The following ABTB2 variants were observed in gnomAD, a reference collection of about 807,000 sequenced individuals.
ABTB2 encodes the protein ankyrin repeat and BTB/POZ domain-containing protein 2.
ABTB2 carries 56 observed loss-of-function variants against 104.1 expected under a neutral mutation model. That is an observed-to-expected ratio of 0.54 (90% CI 0.43 to 0.67). The LOEUF is 0.67. ABTB2 is among the 30% of genes least tolerant of loss of function. ABTB2 has a pLI of 0.00. For missense variants in ABTB2, 1,279 were observed against 1,407.7 expected, an observed-to-expected ratio of 0.91 and a Z score of 1.46; for synonymous variants, 606 against 608.2, an observed-to-expected ratio of 1.00 and a Z score of 0.05.
chr11:34,319,164 C>T (rs1854972617), intron 1 of ABTB2, among the ~76,000 whole-genome samples: 1 of 152,202 alleles, frequency 6.6e-6, no homozygotes, highest in South Asian at 2.1e-4. Context: ...CAGGGAAAGG[C>T]AATGAAATGA....
chr11:34,253,955 C>A (rs1381961425), intron 1 of ABTB2, among the ~76,000 whole-genome samples: 5 of 152,148 alleles, frequency 3.3e-5, no homozygotes, highest in Non-Finnish European at 7.4e-5. Flanking sequence ...GGGTCTCTCC[C>A]CAGGTGGACC....
intron 1 of ABTB2, among the ~76,000 whole-genome samples, chr11:34,259,753 C>T (rs1310496921): frequency 6.6e-6 from 1 of 152,172 alleles, no homozygotes; most frequent in African/African-American, 2.4e-5. Flanking sequence ...ATGCTTAGCA[C>T]CCCTAGAAAA....
At chr11:34,342,140 G>A (rs1855268403) in intron 1 of ABTB2, among the ~76,000 whole-genome samples, 1 of 152,202 alleles carries the variant, frequency 6.6e-6, no homozygotes, top group African/African-American at 2.4e-5. Context: ...TTCCTCTTGA[G>A]CTATTTTAAG....
At chr11:34,343,575 G>A (rs980178719) in intron 1 of ABTB2, among the ~76,000 whole-genome samples, 3 of 151,824 alleles carry the variant, frequency 2.0e-5, no homozygotes, top group Admixed American at 2.0e-4. Context: ...CCCAGGGTCA[G>A]GTAGTTCTCC....
intron 5 of ABTB2, among the ~76,000 whole-genome samples, chr11:34,169,776 C>T (rs1852845121): frequency 6.6e-6 from 1 of 152,086 alleles, no homozygotes; most frequent in African/African-American, 2.4e-5. Context: ...CCCCACCCCA[C>T]ACTCCTTATG....
chr11:34,185,849 A>ATT (rs1225307992), intron 3 of ABTB2, among the ~76,000 whole-genome samples: 1 of 152,270 alleles, frequency 6.6e-6, no homozygotes, highest in Non-Finnish European at 1.5e-5. Context: ...TAAAGCACTG[A>ATT]TGAAGGTTTG....
chr11:34,276,079 G>A (rs1180783696), intron 1 of ABTB2, among the ~76,000 whole-genome samples: 1 of 152,160 alleles, frequency 6.6e-6, no homozygotes, highest in Non-Finnish European at 1.5e-5. Flanking sequence ...TACCAGTGTG[G>A]GAGGGCTTTG....
intron 1 of ABTB2, among the ~76,000 whole-genome samples, chr11:34,247,483 T>C (rs1445512112): frequency 6.6e-6 from 1 of 152,258 alleles, no homozygotes; most frequent in Non-Finnish European, 1.5e-5. Context: ...TCTTGTCCAA[T>C]TGTAGGCTAA....
chr11:34,164,964 G>T, intron 8 of ABTB2, 143 bp from the exon 9 acceptor site: 2 of 1,114,012 alleles, frequency 1.8e-6, no homozygotes, highest in Non-Finnish European at 2.5e-6. Context: ...TGCATTTGGT[G>T]GACGAAGTGA....
intron 14 of ABTB2, among the ~76,000 whole-genome samples, chr11:34,156,552 T>TCG (rs1271749550): frequency 1.3e-5 from 2 of 151,868 alleles, no homozygotes; most frequent in Non-Finnish European, 2.9e-5. Flanking sequence ...AGACAGAGTT[T>TCG]CGCTCTTGTC....
At chr11:34,280,396 G>A (rs1171873188) in intron 1 of ABTB2, among the ~76,000 whole-genome samples, 1 of 152,070 alleles carries the variant, frequency 6.6e-6, no homozygotes, top group African/African-American at 2.4e-5. Flanking sequence ...GCACCACTGG[G>A]TCCTCACTGT....
At chr11:34,215,895 C>A (rs2133047346) in intron 1 of ABTB2, among the ~76,000 whole-genome samples, 1 of 152,206 alleles carries the variant, frequency 6.6e-6, no homozygotes, top group Admixed American at 6.5e-5. Flanking sequence ...GGGATAGACC[C>A]AAGGCCACTC....
At chr11:34,315,374 C>A (rs1247134702) in intron 1 of ABTB2, among the ~76,000 whole-genome samples, 1 of 152,172 alleles carries the variant, frequency 6.6e-6, no homozygotes, top group Non-Finnish European at 1.5e-5. Context: ...GTGTCCGGGG[C>A]CATCCTGACA....
chr11:34,239,378 T>C (rs1159375069), intron 1 of ABTB2, among the ~76,000 whole-genome samples: 3 of 152,026 alleles, frequency 2.0e-5, no homozygotes, highest in African/African-American at 7.2e-5. Context: ...GGGTGCCCCA[T>C]GCTGGAGTGC....
In ABTB2 at chr11:34,356,821, C is replaced by T. The variant is rs1456420391; in HGVS notation, c.763G>A (p.Gly255Arg). Residue 255 changes from glycine to arginine, a missense_variant, in exon 1 of 17, where the codon GGA becomes AGA. Physicochemically the swap from Gly to Arg is moderately radical, Grantham distance 125 (BLOSUM62 -2). Transcript: ENST00000435224. This position sits in a 1 kb window ranked among gnomAD's most constrained non-coding sequence, Gnocchi z 4.6. ...RVMASHSPDG[G>R]GAGGGEVSAE... ...GACACCTCCCCGCCTCCGGCCCCTCCGCCATCAGGGCTGTGGCTGGCCATC... is the reference window on the plus strand; with the variant it reads ...GACACCTCCCCGCCTCCGGCCCCTCTGCCATCAGGGCTGTGGCTGGCCATC... 3.1e-6 allele frequency: 5 copies of T among 1,607,184 alleles called. No homozygotes were observed. The highest frequency in any genetic ancestry group is 1.7e-5 in the Admixed American group (1 of 59,134).
intron 1 of ABTB2, among the ~76,000 whole-genome samples, chr11:34,322,777 T>G (rs1225537652): frequency 6.6e-6 from 1 of 152,072 alleles, no homozygotes. Flanking sequence ...GCTCAAGTGA[T>G]CCTCCAACTT....
At chr11:34,275,755 A>T (rs531774909) in intron 1 of ABTB2, among the ~76,000 whole-genome samples, 1 of 152,310 alleles carries the variant, frequency 6.6e-6, no homozygotes, top group East Asian at 1.9e-4. Context: ...TGCACAGAAC[A>T]CTAAGGAATA....
chr11:34,248,901 C>T (rs1286373362), intron 1 of ABTB2, among the ~76,000 whole-genome samples: 1 of 152,198 alleles, frequency 6.6e-6, no homozygotes, highest in African/African-American at 2.4e-5. Context: ...GAGGCCAAGG[C>T]GGGCCGATCA....
intron 1 of ABTB2, among the ~76,000 whole-genome samples, chr11:34,304,618 G>C (rs550625490): frequency 6.6e-6 from 1 of 152,232 alleles, no homozygotes; most frequent in East Asian, 1.9e-4. Context: ...CCAGGAGTTT[G>C]AGACCAGCCT....
Sources: gnomAD v4.1 joint callset for allele counts (sites outside exome capture counted in the v4.1 genomes callset) on GRCh38, gnomAD v4.1.1 for gene constraint, Gnocchi (gnomAD v3.1) non-coding constraint, MANE v1.5 for transcripts, NCBI Gene and HGNC (gene_info 2026-07-23, HGNC 2026-07-21) for gene names.